Variants in COQ8A observed in about 807,000 individuals in gnomAD.
COQ8A encodes coenzyme Q8A.
A neutral mutation model predicts 65.0 loss-of-function variants in COQ8A; 51 were observed. That is an observed-to-expected ratio of 0.78 (90% CI 0.63 to 0.99). The LOEUF (loss-of-function observed/expected upper bound fraction) is 0.99. Among genes scored for constraint, COQ8A ranks in the 50% least tolerant of loss-of-function variants. The probability of loss-of-function intolerance (pLI) is 0.00; values close to 1 mark genes in which losing one functional copy is unlikely to be tolerated. For synonymous variants in COQ8A, 371 were observed against 353.2 expected (o/e 1.05, Z -0.57); for missense variants, 940 against 875.0 (o/e 1.07, Z -0.94).
intron 1 of COQ8A, among the ~76,000 whole-genome samples, chr1:226,957,340 A>C (rs2148035619): frequency 8.3e-6 from 1 of 120,220 alleles, no homozygotes; most frequent in South Asian, 2.8e-4. Flanking sequence ...TTTTTGTGCC[A>C]CTTGCTTCTA....
intron 1 of COQ8A, 149 bp from the exon 2 acceptor site, chr1:226,961,227 TG>T (rs997676920): frequency 9.8e-6 from 8 of 817,284 alleles, no homozygotes; most frequent in Non-Finnish European, 1.6e-5. Context: ...CCTTGAGCCC[TG>T]GGCCCTTTCT....
intron 1 of COQ8A, among the ~76,000 whole-genome samples, chr1:226,951,504 A>G (rs1182902548): frequency 6.6e-6 from 1 of 152,048 alleles, no homozygotes; most frequent in Non-Finnish European, 1.5e-5. Flanking sequence ...CTCTGGCTTC[A>G]CCTGGGGGCC....
rs764541059 is a variant in COQ8A at position 226,983,834 on chromosome 1, C to T, written c.1236C>T (p.Ala412=). The T allele has an allele frequency of 1.5e-5, 24 of 1,610,850 alleles. No individual in the cohort carries two copies. Among genetic ancestry groups the T allele is most frequent in the East Asian group, 8.9e-5 (4 of 44,858 alleles). ...LALECDYQRE[A]ACARKFRDLL... ...TGGAGTGTGACTACCAGCGAGAGGC[C>T]GCCTGTGCCCGCAAGTTCAGGTGTG... is the stretch of plus-strand genomic sequence containing the variant. The change falls in exon 10 of 15, where the codon GCC becomes GCT. Residue 412 remains alanine, a synonymous_variant. Coordinates refer to ENST00000366777, the MANE Select transcript of COQ8A (RefSeq NM_020247.5).
intron 1 of COQ8A, among the ~76,000 whole-genome samples, chr1:226,945,417 G>T (rs1656977255): frequency 6.6e-6 from 1 of 152,234 alleles, no homozygotes; most frequent in Non-Finnish European, 1.5e-5. Flanking sequence ...TTCAAGCTCA[G>T]AGCCTGGGCC....
chr1:226,984,484 C>T (rs1659949784), intron 11 of COQ8A, 64 bp from the exon 12 acceptor site: 1 of 1,454,834 alleles, frequency 6.9e-7, no homozygotes, highest in East Asian at 2.3e-5. Context: ...TTCTCTGGCC[C>T]CAGTCTCCCA....
intron 1 of COQ8A, among the ~76,000 whole-genome samples, chr1:226,944,726 A>AGT (rs1656905599): frequency 3.0e-5 from 1 of 33,254 alleles, no homozygotes; most frequent in African/African-American, 1.8e-4. Context: ...AGAGAGAGAG[A>AGT]GAGAGAGAGA....
At chr1:226,944,457 C>T (rs891604546) in intron 1 of COQ8A, among the ~76,000 whole-genome samples, 2 of 151,494 alleles carry the variant, frequency 1.3e-5, no homozygotes, top group African/African-American at 4.9e-5. Flanking sequence ...GGGGCAAGGT[C>T]TTGTTGCGGG....
chr1:226,974,787 TG>T (rs1659095334), intron 4 of COQ8A: 1 of 152,590 alleles, frequency 6.6e-6, no homozygotes, highest in Non-Finnish European at 1.5e-5. Context: ...GAGGGACGTG[TG>T]GGGCCTGAGG....
At chr1:226,979,511 C>T (rs1572073259) in intron 5 of COQ8A, among the ~76,000 whole-genome samples, 1 of 152,182 alleles carries the variant, frequency 6.6e-6, no homozygotes, top group Non-Finnish European at 1.5e-5. Flanking sequence ...GGGCCAAGTC[C>T]CCTGGCCCCG....
Position 226,987,164 on chromosome 1 carries a change from G to C in COQ8A, c.*427G>C. On this transcript the variant is annotated 3_prime_UTR_variant, in exon 15 of 15. Transcript: ENST00000366777. The stretch of plus-strand genomic sequence containing the variant: ...GTAGGTGTGTGTATGTGTTTCTAGA[G>C]TGAGATTTGTGTTTTCTGCCCTTTT... 1 of 200,304 alleles carries C rather than the reference G, an allele frequency of 5.0e-6. No individual in the cohort carries two copies. The highest frequency in any genetic ancestry group is 1.0e-5 in the Non-Finnish European group (1 of 96,334). 12.4% of individuals were successfully genotyped at this position (200,304 alleles called of 1,614,324 possible).
chr1:226,987,460 C>T lies in COQ8A; in HGVS notation c.*723C>T, dbSNP rs1317796290. ...ACCAGTTCCAGCCAAAGGCTCCTCA[C>T]AGGCGCTGTGAATTTTTGTACAAGT... On this transcript the variant is annotated 3_prime_UTR_variant, in exon 15 of 15. Coordinates refer to ENST00000366777, the MANE Select transcript of COQ8A (RefSeq NM_020247.5). 6.6e-6 allele frequency: 1 copy of T among 152,358 alleles called. No individual in the cohort carries two copies. Among genetic ancestry groups the T allele is most frequent in the Non-Finnish European group, 1.5e-5 (1 of 68,134 alleles). The allele number at this position is 152,358 out of a possible 1,614,324, so 9.4% of individuals were successfully genotyped here.
chr1:226,969,766 G>A (rs1203878964), intron 4 of COQ8A, among the ~76,000 whole-genome samples: 1 of 151,650 alleles, frequency 6.6e-6, no homozygotes, highest in East Asian at 1.9e-4. Flanking sequence ...TTGGTTTTTT[G>A]TGTGTTTTAA....
chr1:226,970,111 C>T (rs1225381086), intron 4 of COQ8A, among the ~76,000 whole-genome samples: 1 of 152,188 alleles, frequency 6.6e-6, no homozygotes, highest in Admixed American at 6.5e-5. Flanking sequence ...TGCTGCCATG[C>T]CCGGCTAATT....
intron 2 of COQ8A, among the ~76,000 whole-genome samples, chr1:226,964,225 C>T (rs530144352): frequency 1.2e-4 from 19 of 152,202 alleles, no homozygotes; most frequent in Non-Finnish European, 2.5e-4. Flanking sequence ...ATTATAGGCT[C>T]CTGGGTGCTG....
At chr1:226,945,380 C>A (rs1273606268) in intron 1 of COQ8A, among the ~76,000 whole-genome samples, 2 of 152,156 alleles carry the variant, frequency 1.3e-5, no homozygotes, top group Non-Finnish European at 2.9e-5. Flanking sequence ...GTCCTGGGGA[C>A]AGTCCACATG....
At chr1:226,962,165 G>A (rs1007131580) in intron 2 of COQ8A, among the ~76,000 whole-genome samples, 4 of 152,166 alleles carry the variant, frequency 2.6e-5, no homozygotes, top group African/African-American at 9.7e-5. Context: ...GCCAAGGCCT[G>A]GCCTCATTTT....
chr1:226,984,609 C>T lies in COQ8A; in HGVS notation c.1460C>T (p.Thr487Ile), dbSNP rs1396339645. 5.0e-6 allele frequency: 8 copies of T among 1,614,064 alleles called. No homozygotes were observed. The highest frequency in any genetic ancestry group is 1.3e-5 in the African/African-American group (1 of 74,924). ...CTGTTCGAGTTCCACTTCATGCAAACAGACCCCAACTGGTCCAACTTCTTC... is the reference window on the plus strand; with the variant it reads ...CTGTTCGAGTTCCACTTCATGCAAATAGACCCCAACTGGTCCAACTTCTTC... ...RELFEFHFMQ[T>I]DPNWSNFFYD... Residue 487 changes from threonine (T) to isoleucine (I), a missense_variant, in exon 12 of 15, where the codon ACA becomes ATA. Thr to Ile is a moderately conservative substitution (Grantham distance 89, BLOSUM62 -1). Coordinates refer to ENST00000366777, the MANE Select transcript of COQ8A (RefSeq NM_020247.5).
At position 226,986,593 on chromosome 1, in the gene COQ8A, C is replaced by T. The variant is rs74589348; in HGVS notation, c.1800C>T (p.Val600=). 9.9e-5 allele frequency: 159 copies of T among 1,613,720 alleles called. No homozygotes were observed. The highest frequency in any genetic ancestry group is 1.3e-4 in the Non-Finnish European group (155 of 1,179,974). ...LIPVMLRHRL[V]PPPEETYSLH... is the part of the protein sequence containing the mutation. ...CCGTCATGCTGAGGCACCGTCTCGTCCCCCCACCCGAGGAAACCTACTCCC... is the reference window on the plus strand; with the variant it reads ...CCGTCATGCTGAGGCACCGTCTCGTTCCCCCACCCGAGGAAACCTACTCCC... The change falls in exon 15 of 15, where the codon GTC becomes GTT. Residue 600 remains valine (V), a synonymous_variant. Coordinates refer to ENST00000366777, the MANE Select transcript of COQ8A (RefSeq NM_020247.5).
At chr1:226,944,047 G>T (rs891737135) in intron 1 of COQ8A, among the ~76,000 whole-genome samples, 2 of 152,026 alleles carry the variant, frequency 1.3e-5, no homozygotes, top group African/African-American at 4.8e-5. Flanking sequence ...ACCAGCCTGG[G>T]AACTCCCAGG....
Sources: gnomAD v4.1 joint callset for allele counts (sites outside exome capture counted in the v4.1 genomes callset) on GRCh38, gnomAD v4.1.1 for gene constraint, MANE v1.5 for transcripts, NCBI Gene and HGNC (gene_info 2026-07-23, HGNC 2026-07-21) for gene names.